The following GOLGB1 variants were observed in gnomAD, a reference collection of about 807,000 sequenced individuals.
The protein encoded by GOLGB1 is golgin subfamily B member 1.
A neutral mutation model predicts 336.9 loss-of-function variants in GOLGB1; 174 were observed. The ratio of observed to expected loss-of-function variants is 0.52; its 90% CI spans 0.46 to 0.59. The LOEUF (loss-of-function observed/expected upper bound fraction) is 0.59, where lower values mean the gene tolerates loss of function less well. GOLGB1 is among the 20% of genes least tolerant of loss of function. GOLGB1 has a pLI of 0.00. For synonymous variants in GOLGB1, 1,208 were observed against 1,289.2 expected, an observed-to-expected ratio of 0.94 and a Z score of 1.35; for missense variants, 3,331 against 3,645.3, an observed-to-expected ratio of 0.91 and a Z score of 2.22.
intron 17 of GOLGB1, among the ~76,000 whole-genome samples, chr3:121,671,895 A>C (rs752280010): frequency 1.3e-5 from 2 of 150,840 alleles, no homozygotes; most frequent in Non-Finnish European, 2.9e-5. Flanking sequence ...AGAATGTGAT[A>C]TTTGTCTTTC....
At chr3:121,677,878 C>T (rs1369498294) in intron 15 of GOLGB1, among the ~76,000 whole-genome samples, 2 of 152,122 alleles carry the variant, frequency 1.3e-5, no homozygotes, top group Non-Finnish European at 2.9e-5. Flanking sequence ...TACCAATCAC[C>T]TTTGGAGGGC....
At position 121,696,731 on chromosome 3, in the gene GOLGB1, G is replaced by A. The variant is rs1311340153; in HGVS notation, c.3792C>T (p.Ser1264=). 7 of 1,614,006 alleles carry A rather than the reference G, an allele frequency of 4.3e-6. No homozygotes were observed. Among genetic ancestry groups the A allele is most frequent in the Non-Finnish European group, 5.9e-6 (7 of 1,179,906 alleles). ...ATAAAGGTTCTTCTAAACCTGGAGT[G>A]GAAGAACACGATTCCTGCTGGTCTG... is the stretch of plus-strand genomic sequence containing the variant. ...PSTDQQESCS[S]TPGLEEPLFK... The change falls in exon 13 of 22, where the codon TCC becomes TCT. Residue 1264 remains serine (S), a synonymous_variant. Transcript: ENST00000614479.
chr3:121,732,787 A>T (rs1372462609), intron 1 of GOLGB1, among the ~76,000 whole-genome samples: 2 of 152,234 alleles, frequency 1.3e-5, no homozygotes, highest in Non-Finnish European at 2.9e-5. Context: ...TAATGGTGAG[A>T]AACTGAATGT....
Position 121,667,496 on chromosome 3 carries a change from C to T in GOLGB1, c.9534G>A (p.Val3178=). The change falls in exon 20 of 22, where the codon GTG becomes GTA. Residue 3178 remains valine, a synonymous_variant. Transcript: ENST00000614479. ...TTTACCGTCTGATCTGCTCCTCGGC[C>T]ACAGAGAGAGCATTCTCAGCAGCCA... ...QRVAAENALS[V]AEEQIRRLEH... is the part of the protein sequence containing the mutation. The T allele has an allele frequency of 8.7e-6, 14 of 1,614,010 alleles. No homozygotes were observed. Among genetic ancestry groups the T allele is most frequent in the Non-Finnish European group, 1.1e-5 (13 of 1,179,906 alleles).
chr3:121,668,254 C>T (rs958149899), intron 18 of GOLGB1, 96 bp from the exon 19 acceptor site: 4 of 636,344 alleles, frequency 6.3e-6, no homozygotes, highest in African/African-American at 5.7e-5. Flanking sequence ...ACTATCCCCG[C>T]TTATAATTCT....
chr3:121,694,521 C>T lies in GOLGB1; in HGVS notation c.6002G>A (p.Gly2001Asp). Residue 2001 changes from glycine (G) to aspartate (D), a missense_variant, in exon 13 of 22, where the codon GGT becomes GAT. By Grantham distance (94) the Gly-to-Asp change is moderately conservative (BLOSUM62 -1). Transcript: ENST00000614479. ...TTTATTTCCGGGTTCTTTCTGAGCA[C>T]CTTGTATTTTCTCCAAATATTCCTT... ...IRKEYLEKIQ[G>D]AQKEPGNKSH... 1 of 1,612,506 alleles carries T rather than the reference C, an allele frequency of 6.2e-7. No homozygotes were observed. The highest frequency in any genetic ancestry group is 8.5e-7 in the Non-Finnish European group (1 of 1,179,856).
At chr3:121,677,901 T>C (rs570814557) in intron 15 of GOLGB1, among the ~76,000 whole-genome samples, 3 of 152,306 alleles carry the variant, frequency 2.0e-5, no homozygotes, top group African/African-American at 7.2e-5. Context: ...TAAATTCAAG[T>C]GCATCTGAAG....
At chr3:121,673,095 A>G (rs1402497104) in intron 17 of GOLGB1, among the ~76,000 whole-genome samples, 2 of 143,496 alleles carry the variant, frequency 1.4e-5, no homozygotes, top group East Asian at 4.1e-4. Flanking sequence ...TTTGAGACGG[A>G]GTCTCGCTCT....
At position 121,683,081 on chromosome 3, in the gene GOLGB1, T is replaced by TTTTTTTTTTC. The variant is rs1553856330; in HGVS notation, c.8695-1217_8695-1216insGAAAAAAAAA. 1.6e-5 allele frequency among the ~76,000 whole-genome samples: 2 copies of TTTTTTTTTTC among 125,276 alleles called. 1 individual carries two copies. Among genetic ancestry groups the TTTTTTTTTTC allele is most frequent in the Non-Finnish European group, 3.3e-5 (2 of 60,454 alleles). The allele number at this position is 125,276 out of a possible 152,430, so 82.2% of individuals were successfully genotyped here. On this transcript the variant is annotated intron_variant, in intron 14 of 21. Coordinates refer to ENST00000614479, the MANE Select transcript of GOLGB1 (RefSeq NM_001366282.2). ...TTTTTTTTTTTTTTTTTTTTTTTTT[T>TTTTTTTTTTC]TGGAGAGACGGAGTCTCAGTATGTT...
chr3:121,747,285 G>GTA lies in GOLGB1; in HGVS notation c.-3+2345_-3+2346dup, dbSNP rs199651103. On this transcript the variant is annotated intron_variant, in intron 1 of 21. Coordinates refer to ENST00000614479, the MANE Select transcript of GOLGB1 (RefSeq NM_001366282.2). ...TATATATATGTATATATGTATATAT[G>GTA]TATATATATGTGTATATATGTATAT... 5.9e-5 allele frequency among the ~76,000 whole-genome samples: 8 copies of GTA among 135,794 alleles called. No homozygotes were observed. In the East Asian group the frequency reaches 6.3e-4, roughly 11 times the overall value. 89.1% of individuals were successfully genotyped at this position (135,794 alleles called of 152,430 possible).
chr3:121,743,261 T>C (rs1947008538), intron 1 of GOLGB1, among the ~76,000 whole-genome samples: 1 of 152,212 alleles, frequency 6.6e-6, no homozygotes, highest in African/African-American at 2.4e-5. Flanking sequence ...GTGGCACATA[T>C]ACACCATGGA....
chr3:121,748,387 TAGGG>T (rs1947516020), intron 1 of GOLGB1, among the ~76,000 whole-genome samples: 1 of 152,156 alleles, frequency 6.6e-6, no homozygotes, highest in Admixed American at 6.5e-5. Flanking sequence ...GTTTTACTGA[TAGGG>T]AGTGCAATTA....
At chr3:121,711,409 TA>T (rs1560273935) in intron 10 of GOLGB1, among the ~76,000 whole-genome samples, 1 of 152,014 alleles carries the variant, frequency 6.6e-6, no homozygotes, top group Non-Finnish European at 1.5e-5. Flanking sequence ...CTTAAAAACC[TA>T]AAACTAGTAT....
At chr3:121,681,958 C>A in intron 14 of GOLGB1, 93 bp from the exon 15 acceptor site, 1 of 802,116 alleles carries the variant, frequency 1.2e-6, no homozygotes, top group Non-Finnish European at 2.1e-6. Context: ...AGTCAGACAC[C>A]ACAACATGAA....
At chr3:121,668,334 G>T (rs752713984) in intron 18 of GOLGB1, 176 bp from the exon 19 acceptor site, 79 of 442,524 alleles carry the variant, frequency 1.8e-4, no homozygotes, top group Non-Finnish European at 2.7e-4. Flanking sequence ...CTCTTGTCTT[G>T]ATTAGATTTT....
chr3:121,747,315 A>G (rs1016858629), intron 1 of GOLGB1, among the ~76,000 whole-genome samples: 1 of 143,326 alleles, frequency 7.0e-6, no homozygotes. Flanking sequence ...GTATATATGT[A>G]TATATGTGTA....
rs192747624 is a variant in GOLGB1 at position 121,731,075 on chromosome 3, T to C, written c.-2-102A>G. The C allele has an allele frequency of 8.2e-5, 95 of 1,156,984 alleles. No individual in the cohort carries two copies. The Middle Eastern group carries it at 9.6e-4, about 12-fold the overall frequency. 71.7% of individuals were successfully genotyped at this position (1,156,984 alleles called of 1,614,324 possible). A position where few individuals can be genotyped will look rare whatever the true frequency, so the allele number is the denominator to read the frequency against. The stretch of plus-strand genomic sequence containing the variant: ...TCATCCGTGAATGAAAAAAGAATAC[T>C]GTACAGGTGATTTGTATTAGACACA... On this transcript the variant is annotated intron_variant, in intron 1 of 21. Coordinates refer to ENST00000614479, the MANE Select transcript of GOLGB1 (RefSeq NM_001366282.2).
At chr3:121,690,289 C>T (rs1253330733) in intron 14 of GOLGB1, among the ~76,000 whole-genome samples, 1 of 152,156 alleles carries the variant, frequency 6.6e-6, no homozygotes, top group Non-Finnish European at 1.5e-5. Context: ...GATCCTTATA[C>T]TTCACTGTAA....
rs114442031 is a variant in GOLGB1, at chr3:121,699,840, G to C, written c.1565C>G (p.Thr522Ser). 12 of 1,605,198 alleles carry C rather than the reference G, an allele frequency of 7.5e-6. No homozygotes were observed. In the Admixed American group the frequency reaches 1.3e-4, roughly 18 times the overall value. The part of the protein sequence containing the change: ...QITLLEAQNR[T>S]GEADREVSEI... Reference sequence around the variant, plus strand: ...ACTGACTTCTCTGTCTGCCTCCCCAGTTCTATTCTGAGCCTCTAGGAGAGT... The same window carrying C: ...ACTGACTTCTCTGTCTGCCTCCCCACTTCTATTCTGAGCCTCTAGGAGAGT... Residue 522 changes from threonine (T) to serine (S), a missense_variant, in exon 12 of 22, where the codon ACT (threonine) becomes AGT (serine). Thr to Ser is a moderately conservative substitution (Grantham distance 58, BLOSUM62 1). Transcript: ENST00000614479.
Sources: allele counts gnomAD v4.1 joint callset (sites outside exome capture counted in the v4.1 genomes callset), GRCh38; gene constraint gnomAD v4.1.1; transcripts MANE v1.5; gene names NCBI Gene and HGNC (gene_info 2026-07-23, HGNC 2026-07-21).